Variants in DCC observed in about 807,000 individuals in gnomAD.
DCC encodes the protein netrin receptor DCC.
Under a neutral mutation model 172.5 loss-of-function variants are expected in DCC, and 58 were observed. The ratio of observed to expected loss-of-function variants is 0.34; its 90% confidence interval spans 0.27 to 0.42. DCC has a LOEUF of 0.42. Ranked by LOEUF, DCC falls within the 10% of genes least tolerant of loss-of-function variation. The probability of loss-of-function intolerance (pLI) is 1.00; values close to 1 mark genes in which losing one functional copy is unlikely to be tolerated. For synonymous variants in DCC, 709 were observed against 644.5 expected, an observed-to-expected ratio of 1.10 and a Z score of -1.52; for missense variants, 1,740 against 1,791.0, an observed-to-expected ratio of 0.97 and a Z score of 0.51.
chr18:53,059,578 G>A lies in DCC; in HGVS notation c.986-3727G>A, dbSNP rs1046386588. Among the ~76,000 whole-genome samples the A allele has an allele frequency of 7.9e-5, 12 of 152,046 alleles. 1 individual carries two copies. The highest frequency in any genetic ancestry group is 2.0e-4 in the Admixed American group (3 of 15,246). Reference sequence around the variant, plus strand: ...AGTATTTTAATTCCTTTTGCTCAGCGAACTTGGAAGATATGCTTTAATATT... The same window carrying A: ...AGTATTTTAATTCCTTTTGCTCAGCAAACTTGGAAGATATGCTTTAATATT... On this transcript the variant is annotated intron_variant, in intron 5 of 28. Transcript: ENST00000442544.
intron 7 of DCC, among the ~76,000 whole-genome samples, chr18:53,091,952 C>T (rs570261167): frequency 1.3e-3 from 199 of 151,836 alleles, no homozygotes; most frequent in South Asian, 4.4e-3. Flanking sequence ...GCTAGCAAAA[C>T]TATGGGACTG....
chr18:53,307,094 A>G (rs2057209490), intron 13 of DCC, among the ~76,000 whole-genome samples: 1 of 152,136 alleles, frequency 6.6e-6, no homozygotes, highest in African/African-American at 2.4e-5. Context: ...TAACTTGTTT[A>G]TTTATTTTTT....
chr18:53,450,798 G>T (rs2045401887), intron 23 of DCC, 136 bp downstream of exon 23: 4 of 758,094 alleles, frequency 5.3e-6, no homozygotes, highest in Middle Eastern at 2.5e-4. Flanking sequence ...CTTGCGTTTT[G>T]TCTATTCCAG....
At chr18:52,632,979 T>C (rs1445228595) in intron 1 of DCC, among the ~76,000 whole-genome samples, 4 of 152,190 alleles carry the variant, frequency 2.6e-5, no homozygotes, top group African/African-American at 9.7e-5. Flanking sequence ...CAGGGATAAT[T>C]TTAATTTTTC....
Position 53,351,382 on chromosome 18 carries a change from C to T in DCC, c.2359+11475C>T, listed in dbSNP as rs1282004645. Among the ~76,000 whole-genome samples the T allele has an allele frequency of 3.3e-4, 9 of 27,562 alleles. 1 individual carries two copies. Among genetic ancestry groups the T allele is most frequent in the South Asian group, 1.2e-3 (1 of 842 alleles). The allele number at this position is 27,562 out of a possible 152,430, so 18.1% of individuals were successfully genotyped here. ...TATATATATACTGTATATATATATA[C>T]AGTATATATATATACAGTGTATATA... On this transcript the variant is annotated intron_variant, in intron 15 of 28. Transcript: ENST00000442544.
intron 12 of DCC, among the ~76,000 whole-genome samples, chr18:53,279,818 G>C (rs1405363181): frequency 6.6e-6 from 1 of 152,052 alleles, no homozygotes; most frequent in Non-Finnish European, 1.5e-5. Context: ...AAAATCCTGA[G>C]TGAACTAACG....
chr18:53,050,568 C>A (rs1353518329), intron 5 of DCC, among the ~76,000 whole-genome samples: 1 of 152,026 alleles, frequency 6.6e-6, no homozygotes, highest in African/African-American at 2.4e-5. Context: ...TAATTTGACT[C>A]TCGGCCTGGA....
At chr18:53,244,557 A>G (rs2144644950) in intron 12 of DCC, among the ~76,000 whole-genome samples, 1 of 152,264 alleles carries the variant, frequency 6.6e-6, no homozygotes, top group East Asian at 1.9e-4. Flanking sequence ...ATTTGACTTG[A>G]CTGAAGAATA....
chr18:52,879,889 T>A lies in DCC; in HGVS notation c.413-26155T>A, dbSNP rs1325140740. Among the ~76,000 whole-genome samples the A allele has an allele frequency of 3.3e-5, 5 of 152,160 alleles. No homozygotes were observed. The East Asian group carries it at 5.8e-4, about 18-fold the overall frequency. ...ACATGTCAGGAAATATTTTTCATTT[T>A]AAATTTTTGTGGGTACATAGTAGGT... On this transcript the variant is annotated intron_variant, in intron 2 of 28. Coordinates refer to ENST00000442544, the MANE Select transcript of DCC (RefSeq NM_005215.4).
intron 5 of DCC, among the ~76,000 whole-genome samples, chr18:53,027,824 T>C (rs1185810480): frequency 6.6e-6 from 1 of 151,570 alleles, no homozygotes; most frequent in Non-Finnish European, 1.5e-5. Flanking sequence ...CAAGAGCAGT[T>C]ATTTTTTTTT....
At chr18:53,177,768 A>G (rs2055130300) in intron 8 of DCC, among the ~76,000 whole-genome samples, 2 of 152,158 alleles carry the variant, frequency 1.3e-5, no homozygotes, top group African/African-American at 2.4e-5. Context: ...CAAGGCCTCA[A>G]CTAGACTTCA....
chr18:52,991,330 A>AT (rs1213362821), intron 5 of DCC, among the ~76,000 whole-genome samples: 1 of 152,086 alleles, frequency 6.6e-6, no homozygotes, highest in African/African-American at 2.4e-5. Context: ...TATAGATCTT[A>AT]TTTTTCTTTG....
intron 15 of DCC, among the ~76,000 whole-genome samples, chr18:53,384,888 C>T (rs373320764): frequency 3.3e-5 from 5 of 151,148 alleles, no homozygotes; most frequent in Middle Eastern, 3.2e-3. Flanking sequence ...CGCTGTGTCG[C>T]GCAGGATGGA....
chr18:52,962,240 A>G (rs571186423), intron 5 of DCC, among the ~76,000 whole-genome samples: 1 of 152,070 alleles, frequency 6.6e-6, no homozygotes. Context: ...AGAATCTACA[A>G]TGAACTCAAA....
At chr18:52,881,383 G>A (rs192280892) in intron 2 of DCC, among the ~76,000 whole-genome samples, 1 of 152,062 alleles carries the variant, frequency 6.6e-6, no homozygotes, top group African/African-American at 2.4e-5. Context: ...ATTTTGCTTT[G>A]GTTGCCTATG....
intron 7 of DCC, among the ~76,000 whole-genome samples, chr18:53,145,857 G>A (rs1004328968): frequency 1.3e-5 from 2 of 152,262 alleles, no homozygotes; most frequent in Non-Finnish European, 1.5e-5. Flanking sequence ...GTGATTTTAG[G>A]GACTGATGTA....
In DCC at chr18:53,414,251, A is replaced by C. The variant is rs78540954; in HGVS notation, c.3131-1873A>C. Among the ~76,000 whole-genome samples the C allele has an allele frequency of 1.6e-4, 24 of 152,308 alleles. No individual in the cohort carries two copies. In the East Asian group the frequency reaches 4.6e-3, roughly 29 times the overall value. ...CATCAGAGAGTGTCAAGATAAATAA[A>C]TTCTGCAGCTCTACTATGCAGCATA... On this transcript the variant is annotated intron_variant, in intron 20 of 28. Transcript: ENST00000442544.
chr18:53,088,232 T>A (rs1056078322), intron 7 of DCC, among the ~76,000 whole-genome samples: 1 of 152,218 alleles, frequency 6.6e-6, no homozygotes, highest in Non-Finnish European at 1.5e-5. Context: ...CTCCTACGCA[T>A]GAGCATGGAA....
chr18:52,646,575 G>A (rs1476568409), intron 1 of DCC, among the ~76,000 whole-genome samples: 1 of 152,142 alleles, frequency 6.6e-6, no homozygotes, highest in South Asian at 2.1e-4. Context: ...CCTATCCTAG[G>A]TTCAATAATT....
Sources: gnomAD v4.1 joint callset for allele counts (sites outside exome capture counted in the v4.1 genomes callset) on GRCh38, gnomAD v4.1.1 for gene constraint, MANE v1.5 for transcripts, NCBI Gene and HGNC (gene_info 2026-07-23, HGNC 2026-07-21) for gene names.